The following CCDC154 variants were observed in gnomAD, a reference collection of about 807,000 sequenced individuals.
The protein encoded by CCDC154 is coiled-coil domain containing 154, also known as coiled-coil domain-containing protein 154.
In CCDC154, 91 loss-of-function variants were observed where a neutral mutation model predicts 87.5. The observed-to-expected ratio is 1.04, with a 90% CI of 0.88 to 1.24. The LOEUF (loss-of-function observed/expected upper bound fraction) is 1.24. CCDC154 is among the 50% of genes most tolerant of loss of function. The pLI is 0.00. For synonymous variants in CCDC154, 418 were observed against 400.4 expected (o/e 1.04, Z -0.52); for missense variants, 903 against 879.2 (o/e 1.03, Z -0.34).
At chr16:1,436,116 T>A (rs759195518) in intron 13 of CCDC154, 30 bp from the exon 14 acceptor site, 26 of 1,524,738 alleles carry the variant, frequency 1.7e-5, no homozygotes, top group Non-Finnish European at 1.5e-5. Context: ...AGGCTGGCTG[T>A]CGGGTGTGCT....
At chr16:1,436,946 C>G in intron 11 of CCDC154, 135 bp from the exon 12 acceptor site, 1 of 1,252,854 alleles carries the variant, frequency 8.0e-7, no homozygotes, top group South Asian at 1.5e-5. Flanking sequence ...GTGCACAGGC[C>G]TGCAGGCGGC....
At chr16:1,439,154 G>C (rs552401459) in intron 6 of CCDC154, 28 bp from the exon 7 acceptor site, 5 of 1,525,212 alleles carry the variant, frequency 3.3e-6, no homozygotes, top group Non-Finnish European at 4.4e-6. Flanking sequence ...TGTCCCGTGT[G>C]CAGCCTCTGC....
chr16:1,443,147 C>T, intron 4 of CCDC154, 114 bp downstream of exon 4: 2 of 1,386,628 alleles, frequency 1.4e-6, no homozygotes, highest in Non-Finnish European at 2.0e-6. Flanking sequence ...GGATGTGTAT[C>T]CCCCACTCCA....
chr16:1,438,567 G>A, intron 9 of CCDC154, 52 bp downstream of exon 9: 1 of 1,477,452 alleles, frequency 6.8e-7, no homozygotes, highest in Non-Finnish European at 9.2e-7. Flanking sequence ...CTCCTGAGTG[G>A]GACATCAGGG....
chr16:1,434,565 AC>A (rs1555462896), intron 16 of CCDC154, 31 bp from the exon 17 acceptor site: 1 of 1,462,526 alleles, frequency 6.8e-7, no homozygotes, highest in Middle Eastern at 2.3e-4. Flanking sequence ...TGGCCCCTGC[AC>A]CCCCGCCCCA....
In CCDC154 at chr16:1,434,657, C is replaced by T; in HGVS notation, c.1877+11G>A. ...GGCCCAGGAGGCCGCGCCGGGATCC[C>T]TGCTGCCCACCTCACAGCCTGGTAC... is the stretch of plus-strand genomic sequence containing the variant. On this transcript the variant is annotated intron_variant, in intron 16 of 16. Transcript: ENST00000389176. The T allele has an allele frequency of 1.3e-6, 2 of 1,544,630 alleles. No individual in the cohort carries two copies. Among genetic ancestry groups the T allele is most frequent in the Non-Finnish European group, 8.7e-7 (1 of 1,146,562 alleles).
At position 1,436,458 on chromosome 16, in the gene CCDC154, C is replaced by T. The variant is rs561677923; in HGVS notation, c.1474G>A (p.Glu492Lys). Residue 492 changes from glutamate to lysine, a missense_variant, in exon 13 of 17, where the codon GAA becomes AAA. Physicochemically the swap from Glu to Lys is moderately conservative, Grantham distance 56. Transcript: ENST00000389176. ...TGGAGGCTGTACCTGGCCTTGCCTT[C>T]GGCGGAAATCCTGAGGTCTGAGTCG... is the stretch of plus-strand genomic sequence containing the variant. Reference protein sequence around the residue: ...KSDSDLRISAEGKAREFKVGA... With the variant: ...KSDSDLRISAKGKAREFKVGA... 41 of 1,548,600 alleles carry T rather than the reference C, an allele frequency of 2.6e-5. No individual in the cohort carries two copies. Among genetic ancestry groups the T allele is most frequent in the Admixed American group, 2.5e-4 (13 of 51,006 alleles).
intron 5 of CCDC154, among the ~76,000 whole-genome samples, 168 bp from the exon 6 acceptor site, chr16:1,442,697 G>A (rs751813842): frequency 2.6e-5 from 4 of 152,346 alleles, no homozygotes; most frequent in Non-Finnish European, 5.9e-5. Flanking sequence ...GGGCTGCTGC[G>A]AGTCTCTTCC....
rs1345270880 is a variant in CCDC154, at chr16:1,438,624, T to C, written c.1020A>G (p.Lys340=). ...SLNRVLLAEE[K]AWDAKGRLEE... ...TGAGGCCCCAGGACACCCACCAGGC[T>C]TTCTCCTCGGCCAGTAGGACACGGT... Residue 340 remains lysine (K), a synonymous_variant, in exon 9 of 17, where the codon AAA becomes AAG. Transcript: ENST00000389176. The C allele has an allele frequency of 1.3e-6, 2 of 1,549,688 alleles. No individual in the cohort carries two copies. Among genetic ancestry groups the C allele is most frequent in the East Asian group, 4.9e-5 (2 of 40,914 alleles).
intron 11 of CCDC154, 53 bp from the exon 12 acceptor site, chr16:1,436,864 G>C (rs2038506834): frequency 6.5e-7 from 1 of 1,544,718 alleles, no homozygotes; most frequent in Non-Finnish European, 8.8e-7. Context: ...GGGACAGACA[G>C]ATGGAAAGAC....
rs931554023 is a variant in CCDC154 at position 1,444,403 on chromosome 16, C to A, written c.-81G>T. 4 of 1,258,330 alleles carry A rather than the reference C, an allele frequency of 3.2e-6. No homozygotes were observed. In the Admixed American group the frequency reaches 9.8e-5, roughly 31 times the overall value. 77.9% of individuals were successfully genotyped at this position (1,258,330 alleles called of 1,614,324 possible). On this transcript the variant is annotated 5_prime_UTR_variant, in exon 1 of 17. Transcript: ENST00000389176. The stretch of plus-strand genomic sequence containing the variant: ...CTCTGAGGTTGCCCAGAGCTGGGCA[C>A]AGGCCAGGGGGGTCAGGAGCCAGAG...
At position 1,443,319 on chromosome 16, in the gene CCDC154, A is replaced by C; in HGVS notation, c.415-18T>G. On this transcript the variant is annotated intron_variant, in intron 3 of 16. Coordinates refer to ENST00000389176, the MANE Select transcript of CCDC154 (RefSeq NM_001143980.3). ...CCAGAGAACTGCGAGGAGGAAGAGG[A>C]GGCTGTGGGCTGGACCTAGGCCCGG... 6.5e-7 allele frequency: 1 copy of C among 1,547,140 alleles called. No individual in the cohort carries two copies. The highest frequency in any genetic ancestry group is 8.7e-7 in the Non-Finnish European group (1 of 1,145,872).
chr16:1,440,187 C>T (rs570911669), intron 6 of CCDC154, among the ~76,000 whole-genome samples: 3 of 140,714 alleles, frequency 2.1e-5, no homozygotes, highest in East Asian at 4.3e-4. Context: ...AGGTGGCTCA[C>T]GCCTGAAATC....
Position 1,437,783 on chromosome 16 carries a change from AGCCCCGCCTGCCCCCGCCCGCT to A in CCDC154, c.1290+12_1290+33del. The A allele has an allele frequency of 1.3e-6, 2 of 1,508,726 alleles. No individual in the cohort carries two copies. The highest frequency in any genetic ancestry group is 1.8e-6 in the Non-Finnish European group (2 of 1,128,774). 93.5% of individuals were successfully genotyped at this position (1,508,726 alleles called of 1,614,324 possible). On this transcript the variant is annotated intron_variant, in intron 11 of 16. Coordinates refer to ENST00000389176, the MANE Select transcript of CCDC154 (RefSeq NM_001143980.3). Reference sequence around the variant, plus strand: ...AGCTGGAGGGGTGGGGACTCCCCATAGCCCCGCCTGCCCCCGCCCGCTGCCTGGCGCACCTCGGACAGCCTGA... The same window carrying A: ...AGCTGGAGGGGTGGGGACTCCCCATAGCCTGGCGCACCTCGGACAGCCTGA...
Position 1,434,862 on chromosome 16 carries a change from G to A in CCDC154, c.1693-10C>T, listed in dbSNP as rs536486785. The A allele has an allele frequency of 7.1e-5, 106 of 1,487,570 alleles. No homozygotes were observed. Among genetic ancestry groups the A allele is most frequent in the Admixed American group, 2.2e-4 (10 of 45,804 alleles). The allele number at this position is 1,487,570 out of a possible 1,614,324, so 92.1% of individuals were successfully genotyped here. A position where few individuals can be genotyped will look rare whatever the true frequency, so the allele number is the denominator to read the frequency against. On this transcript the variant is annotated splice_polypyrimidine_tract_variant and intron_variant, in intron 15 of 16. Transcript: ENST00000389176. ...CCATCTCCTGCGTGCGCTGTGGGAC[G>A]GGGATGCTGGTGTCACCCAGGAGCC...
At chr16:1,436,560 G>C (rs928730244) in intron 12 of CCDC154, 39 bp from the exon 13 acceptor site, 6 of 1,545,906 alleles carry the variant, frequency 3.9e-6, no homozygotes, top group Admixed American at 2.0e-5. Context: ...GCCCCAGGGC[G>C]CCATCTAGGA....
At chr16:1,443,106 C>G in intron 4 of CCDC154, 131 bp from the exon 5 acceptor site, 4 of 1,350,270 alleles carry the variant, frequency 3.0e-6, no homozygotes, top group Non-Finnish European at 4.1e-6. Flanking sequence ...CGCCCAGGCA[C>G]GTACAAACCC....
In CCDC154 at chr16:1,444,372, T is replaced by C; in HGVS notation, c.-50A>G. 1 of 1,195,702 alleles carries C rather than the reference T, an allele frequency of 8.4e-7. No individual in the cohort carries two copies. The highest frequency in any genetic ancestry group is 1.1e-6 in the Non-Finnish European group (1 of 915,730). 74.1% of individuals were successfully genotyped at this position (1,195,702 alleles called of 1,614,324 possible). Reference sequence around the variant, plus strand: ...CTGCCCTCGGCTGTAGCTTGGGCCTTGGGGCCTCTGAGGTTGCCCAGAGCT... The same window carrying C: ...CTGCCCTCGGCTGTAGCTTGGGCCTCGGGGCCTCTGAGGTTGCCCAGAGCT... On this transcript the variant is annotated 5_prime_UTR_variant, in exon 1 of 17. Transcript: ENST00000389176.
intron 14 of CCDC154, 29 bp downstream of exon 14, chr16:1,435,940 C>T: frequency 6.5e-7 from 1 of 1,532,280 alleles, no homozygotes. Flanking sequence ...CCCTCTCTCC[C>T]AGCTGGGTGC....
Sources: gnomAD v4.1 joint callset for allele counts (sites outside exome capture counted in the v4.1 genomes callset) on GRCh38, gnomAD v4.1.1 for gene constraint, MANE v1.5 for transcripts, NCBI Gene and HGNC (gene_info 2026-07-23, HGNC 2026-07-21) for gene names.